Variants in PTPRD observed in about 807,000 individuals in gnomAD.
The protein encoded by PTPRD is receptor-type tyrosine-protein phosphatase delta.
A neutral mutation model predicts 214.5 loss-of-function variants in PTPRD; 34 were observed. The ratio of observed to expected loss-of-function variants is 0.16; its 90% CI spans 0.12 to 0.21. The LOEUF (loss-of-function observed/expected upper bound fraction) is 0.21. Among genes scored for constraint, PTPRD ranks in the 10% least tolerant of loss-of-function variants. The pLI is 1.00. For synonymous variants in PTPRD, 1,128 were observed against 845.7 expected (o/e 1.33, Z -5.79); for missense variants, 2,545 against 2,398.7 (o/e 1.06, Z -1.27).
intron 11 of PTPRD, among the ~76,000 whole-genome samples, chr9:8,789,100 GC>G (rs2096118160): frequency 6.6e-6 from 1 of 152,144 alleles, no homozygotes; most frequent in South Asian, 2.1e-4. Context: ...CCAGTTGACT[GC>G]CTGAAGGATG....
intron 11 of PTPRD, among the ~76,000 whole-genome samples, chr9:8,899,335 T>C (rs953143472): frequency 2.6e-5 from 4 of 152,138 alleles, no homozygotes; most frequent in Non-Finnish European, 5.9e-5. Flanking sequence ...GACTCTGTGT[T>C]CCCGTATTTT....
chr9:8,821,232 G>C (rs1455189090), intron 11 of PTPRD, among the ~76,000 whole-genome samples: 1 of 152,052 alleles, frequency 6.6e-6, no homozygotes, highest in Non-Finnish European at 1.5e-5. Context: ...TTGGTAGCTG[G>C]CCACATACAT....
intron 12 of PTPRD, among the ~76,000 whole-genome samples, chr9:8,666,270 T>G (rs190078260): frequency 6.6e-6 from 1 of 152,218 alleles, no homozygotes; most frequent in Non-Finnish European, 1.5e-5. Flanking sequence ...ATGCTGATTA[T>G]GATTCATTTC....
chr9:10,554,965 T>C (rs912613647), intron 2 of PTPRD, among the ~76,000 whole-genome samples: 1 of 152,134 alleles, frequency 6.6e-6, no homozygotes, highest in Admixed American at 6.6e-5. Context: ...AGGCTATACA[T>C]TTCTAAAGAT....
At chr9:9,546,724 T>A (rs2078890779) in intron 8 of PTPRD, among the ~76,000 whole-genome samples, 1 of 151,928 alleles carries the variant, frequency 6.6e-6, no homozygotes, top group Non-Finnish European at 1.5e-5. Context: ...TTATAATATG[T>A]TCCACTAAGT....
intron 9 of PTPRD, among the ~76,000 whole-genome samples, chr9:9,327,410 T>C (rs536607678): frequency 6.6e-6 from 1 of 152,140 alleles, no homozygotes; most frequent in African/African-American, 2.4e-5. Flanking sequence ...GTAATTTTTT[T>C]CCATTTTTTT....
At chr9:8,416,593 T>C (rs10977071) in intron 35 of PTPRD, among the ~76,000 whole-genome samples, 19,429 of 152,090 alleles carry the variant, frequency 0.13, 1,245 homozygotes, top group South Asian at 0.14. Context: ...CATAGAAAAT[T>C]TTTCAGCTGG....
At position 8,565,512 on chromosome 9, in the gene PTPRD, A is replaced by G. The variant is rs1348989056; in HGVS notation, c.353-36733T>C. On this transcript the variant is annotated intron_variant, in intron 14 of 45. Coordinates refer to ENST00000381196, the MANE Select transcript of PTPRD (RefSeq NM_002839.4). Reference sequence around the variant, plus strand: ...GTGTTTCAGGAAACATTTGCCTCCCATGTTTTCTCCCCTTGACACTTCACG... The same window carrying G: ...GTGTTTCAGGAAACATTTGCCTCCCGTGTTTTCTCCCCTTGACACTTCACG... Among the ~76,000 whole-genome samples the G allele has an allele frequency of 2.6e-5, 4 of 152,160 alleles. No individual in the cohort carries two copies. In the East Asian group the frequency reaches 7.7e-4, roughly 29 times the overall value.
intron 11 of PTPRD, among the ~76,000 whole-genome samples, chr9:9,015,444 G>C (rs568002320): frequency 1.5e-4 from 23 of 152,288 alleles, no homozygotes; most frequent in African/African-American, 3.1e-4. Flanking sequence ...GGAATGCCAG[G>C]AAGTTACCCT....
At chr9:10,080,408 A>G (rs2098216878) in intron 3 of PTPRD, among the ~76,000 whole-genome samples, 2 of 152,130 alleles carry the variant, frequency 1.3e-5, no homozygotes, top group East Asian at 1.9e-4. Flanking sequence ...TGGTATTCAA[A>G]CCACTTGTCA....
chr9:9,822,719 T>C (rs2051225753), intron 5 of PTPRD, among the ~76,000 whole-genome samples: 1 of 151,924 alleles, frequency 6.6e-6, no homozygotes, highest in South Asian at 2.1e-4. Flanking sequence ...AGATTGAGAA[T>C]CACTAATCCA....
intron 7 of PTPRD, among the ~76,000 whole-genome samples, chr9:9,631,993 T>C (rs149579701): frequency 2.0e-3 from 298 of 152,264 alleles, no homozygotes; most frequent in Non-Finnish European, 3.5e-3. Flanking sequence ...GGTTTAACAA[T>C]AAAGTGAATT....
At chr9:10,394,126 A>T (rs2098124662) in intron 2 of PTPRD, among the ~76,000 whole-genome samples, 2 of 146,070 alleles carry the variant, frequency 1.4e-5, no homozygotes, top group Non-Finnish European at 3.0e-5. Context: ...ATATATACAT[A>T]TATATCTTTA....
intron 3 of PTPRD, among the ~76,000 whole-genome samples, chr9:10,109,771 T>A (rs1323750932): frequency 1.3e-5 from 2 of 152,080 alleles, no homozygotes; most frequent in South Asian, 4.1e-4. Context: ...AGGGTCCAAT[T>A]TTCTGAAACT....
At chr9:9,613,896 A>G (rs931116742) in intron 7 of PTPRD, among the ~76,000 whole-genome samples, 1 of 152,154 alleles carries the variant, frequency 6.6e-6, no homozygotes, top group Admixed American at 6.5e-5. Context: ...CATGCCTAAA[A>G]TCAATGGGAG....
At chr9:10,332,327 T>G (rs1216504193) in intron 3 of PTPRD, among the ~76,000 whole-genome samples, 1 of 151,860 alleles carries the variant, frequency 6.6e-6, no homozygotes, top group Non-Finnish European at 1.5e-5. Flanking sequence ...CAACAGGGTT[T>G]CGAAGAGGAG....
chr9:9,001,914 A>G (rs1186387838), intron 11 of PTPRD, among the ~76,000 whole-genome samples: 3 of 140,830 alleles, frequency 2.1e-5, no homozygotes, highest in South Asian at 4.4e-4. Flanking sequence ...ATAAGCACCT[A>G]TCTAGTTTCT....
intron 36 of PTPRD, among the ~76,000 whole-genome samples, chr9:8,391,695 C>CT (rs1414764274): frequency 1.3e-5 from 2 of 152,052 alleles, no homozygotes; most frequent in African/African-American, 4.8e-5. Context: ...ATACAGAAAA[C>CT]TTTTTTCTAA....
intron 11 of PTPRD, among the ~76,000 whole-genome samples, chr9:8,796,313 A>G (rs1003958454): frequency 7.2e-5 from 11 of 152,180 alleles, no homozygotes; most frequent in African/African-American, 1.4e-4. Flanking sequence ...AATATATAAA[A>G]CTGAACAGTA....
Sources: allele counts gnomAD v4.1 joint callset (sites outside exome capture counted in the v4.1 genomes callset), GRCh38; gene constraint gnomAD v4.1.1; transcripts MANE v1.5; gene names NCBI Gene and HGNC (gene_info 2026-07-23, HGNC 2026-07-21).